The following CHD7 variants were observed in gnomAD, a reference collection of about 807,000 sequenced individuals.
The protein encoded by CHD7 is chromodomain helicase DNA binding protein 7.
Under a neutral mutation model 307.3 loss-of-function variants are expected in CHD7, and 24 were observed. The ratio of observed to expected loss-of-function variants is 0.08; its 90% CI spans 0.06 to 0.11. The LOEUF (loss-of-function observed/expected upper bound fraction) is 0.11, where lower values mean the gene tolerates loss of function less well. CHD7 is among the 10% of genes least tolerant of loss of function. The pLI, the probability that CHD7 is intolerant of heterozygous loss-of-function variation, is 1.00. For synonymous variants in CHD7, 1,363 were observed against 1,349.9 expected, an observed-to-expected ratio of 1.01 and a Z score of -0.21; for missense variants, 3,106 against 3,727.1, an observed-to-expected ratio of 0.83 and a Z score of 4.34.
At chr8:60,705,639 A>C (rs1309036439) in intron 1 of CHD7, among the ~76,000 whole-genome samples, 1 of 152,254 alleles carries the variant, frequency 6.6e-6, no homozygotes. Flanking sequence ...ATATCCATAA[A>C]TAAATCTTAT....
chr8:60,709,632 A>C (rs1249915571), intron 1 of CHD7, among the ~76,000 whole-genome samples: 2 of 152,218 alleles, frequency 1.3e-5, no homozygotes, highest in Admixed American at 1.3e-4. Context: ...TTTTAAATAG[A>C]AATTTAAACT....
intron 16 of CHD7, 119 bp downstream of exon 16, chr8:60,836,402 C>A: frequency 1.3e-6 from 1 of 749,382 alleles, no homozygotes; most frequent in Non-Finnish European, 2.1e-6. Flanking sequence ...GGAAGTGCAT[C>A]ACATGTCATT....
chr8:60,683,003 T>A (rs960313266), intron 1 of CHD7, among the ~76,000 whole-genome samples: 11 of 152,250 alleles, frequency 7.2e-5, no homozygotes, highest in Non-Finnish European at 1.3e-4. Context: ...TTAGGTGATA[T>A]TAAGATGATG....
At chr8:60,714,296 C>A (rs115471011) in intron 1 of CHD7, among the ~76,000 whole-genome samples, 127 of 151,252 alleles carry the variant, frequency 8.4e-4, no homozygotes, top group African/African-American at 3.0e-3. Flanking sequence ...CCACTCGGGG[C>A]GCTCGCTTCA....
At chr8:60,817,697 T>C (rs1299359088) in intron 8 of CHD7, among the ~76,000 whole-genome samples, 1 of 152,200 alleles carries the variant, frequency 6.6e-6, no homozygotes, top group African/African-American at 2.4e-5. Flanking sequence ...GAAAATTCTT[T>C]TGAAGAAAGA....
In CHD7 at chr8:60,807,107, G is replaced by C. The variant is rs575539468; in HGVS notation, c.2443-1110G>C. The stretch of plus-strand genomic sequence containing the variant: ...TTTAAGTTCACAATCTTTGAAAATG[G>C]TTTGAAGGTTGGAGATTGAGGGGAC... On this transcript the variant is annotated intron_variant, in intron 6 of 37. Coordinates refer to ENST00000423902, the MANE Select transcript of CHD7 (RefSeq NM_017780.4). 1.1e-3 allele frequency among the ~76,000 whole-genome samples: 166 copies of C among 152,356 alleles called. 1 individual carries two copies. The highest frequency in any genetic ancestry group is 1.7e-3 in the African/African-American group (72 of 41,586).
chr8:60,821,821 C>T lies in CHD7; in HGVS notation c.2729C>T (p.Ser910Leu). The T allele has an allele frequency of 6.4e-7, 1 of 1,569,648 alleles. No homozygotes were observed. The highest frequency in any genetic ancestry group is 8.6e-7 in the Non-Finnish European group (1 of 1,156,894). ...ACTCACTATCTGGTGAAGTGGTGTT[C>T]ACTTCCTTATGAAGACAGCACGTGG... ...PVTHYLVKWC[S>L]LPYEDSTWER... The change falls in exon 10 of 38, where the codon TCA becomes TTA. Residue 910 changes from serine (S) to leucine (L), a missense_variant. By Grantham distance (145) the Ser-to-Leu change is moderately radical. Coordinates refer to ENST00000423902, the MANE Select transcript of CHD7 (RefSeq NM_017780.4).
chr8:60,821,911 C>CGGA lies in CHD7; in HGVS notation c.2820_2822dup (p.Glu941dup). 1 of 1,612,636 alleles carries CGGA rather than the reference C, an allele frequency of 6.2e-7. No homozygotes were observed. Among genetic ancestry groups the CGGA allele is most frequent in the Non-Finnish European group, 8.5e-7 (1 of 1,179,326 alleles). On this transcript the variant is annotated inframe_insertion, in exon 10 of 38. Coordinates refer to ENST00000423902, the MANE Select transcript of CHD7 (RefSeq NM_017780.4). ...TTTGAGAAACTAATGTCCAGGGAGC[C>CGGA]GGAAACAGAGCGTGTGGTAAGAATT...
In CHD7 at chr8:60,781,292, C is replaced by T. The variant is rs200536932; in HGVS notation, c.1958C>T (p.Pro653Leu). ...AAAAGGTCAAAGGCAAAAAAAGACC[C>T]GAAGGAACCGAAAGAACCCAAGGAG... ...KKKRSKAKKD[P>L]KEPKEPKEKK... is the part of the protein sequence containing the mutation. The change falls in exon 3 of 38, where the codon CCG becomes CTG. Residue 653 changes from proline (P) to leucine (L), a missense_variant. This residue lies in a region of CHD7 where 998 missense variants were observed against 1,004.5 expected (regional missense o/e 0.99). Coordinates refer to ENST00000423902, the MANE Select transcript of CHD7 (RefSeq NM_017780.4). The T allele has an allele frequency of 9.8e-5, 153 of 1,563,228 alleles. 1 individual carries two copies. Among genetic ancestry groups the T allele is most frequent in the Admixed American group, 1.9e-4 (10 of 51,972 alleles).
rs377662366 is a variant in CHD7 at position 60,820,073 on chromosome 8, A to G, written c.2680A>G (p.Thr894Ala). ...CCGGATAATGGACTTTGCACGTAGC[A>G]CAGATGACCGGGGAGAGGTAACAGG... ...VDRIMDFARS[T>A]DDRGEPVTHY... is the part of the protein sequence containing the mutation. Residue 894 changes from threonine (T) to alanine (A), a missense_variant, in exon 9 of 38, where the codon ACA (threonine) becomes GCA (alanine). By Grantham distance (58) the Thr-to-Ala change is moderately conservative. Transcript: ENST00000423902. 2,678 of 1,608,816 alleles carry G rather than the reference A, an allele frequency of 1.7e-3. 66 individuals are homozygous for G. The South Asian group carries it at 0.028, about 17-fold the overall frequency.
At position 60,742,674 on chromosome 8, in the gene CHD7, G is replaced by T. The variant is rs541292469; in HGVS notation, c.1242G>T (p.Arg414Ser). The T allele has an allele frequency of 3.1e-6, 5 of 1,610,878 alleles. No homozygotes were observed. In the East Asian group the frequency reaches 8.9e-5, roughly 29 times the overall value. Reference sequence around the variant, plus strand: ...CAGGCACTCCTCCTCCACAAGTCAGGCCGGGAAGTGCTGGGATACCAATGG... The same window carrying T: ...CAGGCACTCCTCCTCCACAAGTCAGTCCGGGAAGTGCTGGGATACCAATGG... ...NPAGTPPPQVRPGSAGIPMEV... is the reference protein window; with the variant it reads ...NPAGTPPPQVSPGSAGIPMEV... The change falls in exon 2 of 38, where the codon AGG (arginine) becomes AGT (serine). Residue 414 changes from arginine (R) to serine (S), a missense_variant. Coordinates refer to ENST00000423902, the MANE Select transcript of CHD7 (RefSeq NM_017780.4).
chr8:60,862,719 A>T, intron 37 of CHD7, 67 bp downstream of exon 37: 2 of 1,088,702 alleles, frequency 1.8e-6, no homozygotes, highest in Non-Finnish European at 2.7e-6. Flanking sequence ...AGTCTTTCTT[A>T]TTTTCTGTTG....
At chr8:60,804,450 T>A (rs976130658) in intron 6 of CHD7, among the ~76,000 whole-genome samples, 2 of 151,994 alleles carry the variant, frequency 1.3e-5, no homozygotes, top group African/African-American at 4.8e-5. Context: ...ATTTTCAGAG[T>A]GTGTGTTTTA....
intron 2 of CHD7, among the ~76,000 whole-genome samples, chr8:60,778,739 T>C (rs1410842246): frequency 6.6e-6 from 1 of 152,178 alleles, no homozygotes; most frequent in Non-Finnish European, 1.5e-5. Context: ...GATCTCCGTG[T>C]CCTGTGCAAA....
intron 7 of CHD7, among the ~76,000 whole-genome samples, chr8:60,813,430 A>G (rs58373491): frequency 0.38 from 57,448 of 152,048 alleles, 13,355 homozygotes; most frequent in South Asian, 0.51. Context: ...AATAACCTCA[A>G]ATACAATATT....
At chr8:60,804,014 G>A (rs900498491) in intron 6 of CHD7, among the ~76,000 whole-genome samples, 2 of 152,178 alleles carry the variant, frequency 1.3e-5, no homozygotes, top group Non-Finnish European at 2.9e-5. Flanking sequence ...GTTTTTCAAA[G>A]TCAGTTGACC....
intron 1 of CHD7, among the ~76,000 whole-genome samples, chr8:60,727,757 C>A (rs1180217771): frequency 6.6e-6 from 1 of 152,206 alleles, no homozygotes; most frequent in Non-Finnish European, 1.5e-5. Context: ...TATCTCAGCT[C>A]AGCATTCTCT....
intron 1 of CHD7, among the ~76,000 whole-genome samples, chr8:60,697,332 G>C (rs1806529892): frequency 6.6e-6 from 1 of 152,140 alleles, no homozygotes; most frequent in African/African-American, 2.4e-5. Flanking sequence ...TTCTTCACAG[G>C]AGGGCAATAG....
At chr8:60,846,203 T>C (rs187753105) in intron 23 of CHD7, among the ~76,000 whole-genome samples, 123 of 152,318 alleles carry the variant, frequency 8.1e-4, no homozygotes, top group African/African-American at 2.8e-3. Context: ...GGTTAGAGAA[T>C]AGTAGTCAGC....
Sources: gnomAD v4.1 joint callset for allele counts (sites outside exome capture counted in the v4.1 genomes callset) on GRCh38, gnomAD v4.1.1 for gene constraint, gnomAD v4.1.1 regional missense constraint, MANE v1.5 for transcripts, NCBI Gene and HGNC (gene_info 2026-07-23, HGNC 2026-07-21) for gene names.